ODF2L: variants seen among roughly 807,000 people sequenced by gnomAD.
ODF2L encodes outer dense fiber of sperm tails 2 like.
In ODF2L, 76 loss-of-function variants were observed where a neutral mutation model predicts 86.3. The observed-to-expected ratio is 0.88, with a 90% confidence interval of 0.73 to 1.07. ODF2L has a LOEUF of 1.07. Ranked by LOEUF, ODF2L falls within the 50% of genes least tolerant of loss-of-function variation. The pLI is 0.00. For missense variants in ODF2L, 748 were observed against 717.4 expected, an observed-to-expected ratio of 1.04 and a Z score of -0.49; for synonymous variants, 241 against 231.3, an observed-to-expected ratio of 1.04 and a Z score of -0.38.
chr1:86,387,945 A>G (rs1661061451), intron 1 of ODF2L, among the ~76,000 whole-genome samples: 3 of 152,094 alleles, frequency 2.0e-5, no homozygotes, highest in African/African-American at 4.8e-5. Context: ...AAGAATTTTT[A>G]ACACTTAGAG....
At chr1:86,372,718 G>A (rs1659884202) in intron 8 of ODF2L, 178 bp from the exon 9 acceptor site, 3 of 395,604 alleles carry the variant, frequency 7.6e-6, no homozygotes, top group Middle Eastern at 6.8e-4. Context: ...GCAAAAATAT[G>A]GAACCAGCCT....
In ODF2L at chr1:86,354,769, C is replaced by T. The variant is rs1472361428; in HGVS notation, c.1604+5G>A. On this transcript the variant is annotated splice_donor_5th_base_variant and intron_variant, in intron 15 of 17. Coordinates refer to ENST00000317336, the Ensembl canonical transcript of ODF2L. ...AGCAGCAATGTTAAGTAATTTAATA[C>T]TTACTGTTGAAGGTTTTCACACTTC... is the stretch of plus-strand genomic sequence containing the variant. 19 of 1,564,308 alleles carry T rather than the reference C, an allele frequency of 1.2e-5. No homozygotes were observed. Among genetic ancestry groups the T allele is most frequent in the South Asian group, 7.9e-5 (7 of 88,930 alleles).
downstream of ODF2L, chr1:86,349,566 A>G (rs1177024491): frequency 6.6e-6 from 1 of 152,230 alleles, no homozygotes; most frequent in African/African-American, 2.4e-5. Flanking sequence ...AGCAATGCCC[A>G]GCTCAGGAAA....
chr1:86,354,630 T>C (rs1658399510), exon 16 of ODF2L: 1 of 1,611,748 alleles, frequency 6.2e-7, no homozygotes, highest in Non-Finnish European at 8.5e-7. Flanking sequence ...CTTAAGACAT[T>C]CTTCTTGGTT....
At chr1:86,394,840 C>CTTTTT (rs33996151) in intron 1 of ODF2L, among the ~76,000 whole-genome samples, 37 of 129,312 alleles carry the variant, frequency 2.9e-4, no homozygotes, top group African/African-American at 5.5e-4. Context: ...TTTCTTTTTC[C>CTTTTT]TTTTTTTTTT....
chr1:86,390,142 G>A (rs1558067324), intron 1 of ODF2L, among the ~76,000 whole-genome samples: 2 of 152,140 alleles, frequency 1.3e-5, no homozygotes, highest in Admixed American at 6.5e-5. Context: ...TTCTTAAAAG[G>A]CCGGGCGTGG....
At chr1:86,371,513 AG>A (rs1659782436) in intron 9 of ODF2L, among the ~76,000 whole-genome samples, 1 of 152,218 alleles carries the variant, frequency 6.6e-6, no homozygotes, top group Non-Finnish European at 1.5e-5. Flanking sequence ...ACAAGGTTAA[AG>A]AAAAGAATTA....
chr1:86,379,051 C>T (rs890810078), intron 7 of ODF2L, among the ~76,000 whole-genome samples: 3 of 152,008 alleles, frequency 2.0e-5, no homozygotes, highest in South Asian at 2.1e-4. Flanking sequence ...CAGCACCTCC[C>T]TACTTGCTCT....
chr1:86,382,967 A>G, exon 6 of ODF2L: 12 of 1,571,788 alleles, frequency 7.6e-6, no homozygotes, highest in Non-Finnish European at 9.6e-6. Flanking sequence ...GTTCTTGGAT[A>G]TGGGCCTCCT....
In ODF2L at chr1:86,370,899, T is replaced by C. The variant is rs945136274; in HGVS notation, c.1056+119A>G. The C allele has an allele frequency of 2.2e-5, 12 of 545,574 alleles. No homozygotes were observed. The East Asian group carries it at 2.2e-4, about 10-fold the overall frequency. 33.8% of individuals were successfully genotyped at this position (545,574 alleles called of 1,614,324 possible). A position where few individuals can be genotyped will look rare whatever the true frequency, so the allele number is the denominator to read the frequency against. On this transcript the variant is annotated intron_variant, in intron 10 of 17. Transcript: ENST00000317336. ...TGAAAACATAATATCCTGACAAGCATAGAAGACAGAATTATACAAGAGCAC... is the reference window on the plus strand; with the variant it reads ...TGAAAACATAATATCCTGACAAGCACAGAAGACAGAATTATACAAGAGCAC...
chr1:86,391,718 A>G (rs1424968850), intron 1 of ODF2L, among the ~76,000 whole-genome samples: 1 of 152,232 alleles, frequency 6.6e-6, no homozygotes, highest in Admixed American at 6.5e-5. Flanking sequence ...GAAACTATAT[A>G]AATCTAAGAC....
intron 14 of ODF2L, 94 bp from the exon 14 acceptor site, chr1:86,354,953 C>A: frequency 2.9e-6 from 2 of 689,054 alleles, no homozygotes; most frequent in South Asian, 3.5e-5. Flanking sequence ...CCACAAGCAA[C>A]GAGAAGGTAT....
chr1:86,368,968 C>T (rs368201032), intron 10 of ODF2L, among the ~76,000 whole-genome samples: 11 of 151,906 alleles, frequency 7.2e-5, no homozygotes, highest in South Asian at 4.1e-4. Flanking sequence ...ATAACAACTA[C>T]GAAAAAACAG....
chr1:86,354,410 G>T, intron 16 of ODF2L, 120 bp downstream of exon 15: 1 of 625,948 alleles, frequency 1.6e-6, no homozygotes, highest in Non-Finnish European at 2.8e-6. Flanking sequence ...GAAGAAAAAT[G>T]TAATTGCTCC....
At chr1:86,380,822 T>C (rs1203844242) in intron 7 of ODF2L, among the ~76,000 whole-genome samples, 1 of 151,714 alleles carries the variant, frequency 6.6e-6, no homozygotes, top group Non-Finnish European at 1.5e-5. Flanking sequence ...GAAAGAAAAA[T>C]TGGTGGAAGG....
intron 1 of ODF2L, among the ~76,000 whole-genome samples, chr1:86,392,728 A>G (rs1030682720): frequency 6.6e-6 from 1 of 152,170 alleles, no homozygotes; most frequent in Non-Finnish European, 1.5e-5. Context: ...CTGCTCAGGG[A>G]TGGGTGCACC....
intron 11 of ODF2L, among the ~76,000 whole-genome samples, chr1:86,366,439 CATACACAT>C (rs1659438404): frequency 2.0e-5 from 3 of 149,266 alleles, no homozygotes; most frequent in Admixed American, 6.7e-5. Flanking sequence ...CACACATACA[CATACACAT>C]ACACACACAT....
chr1:86,352,422 A>G (rs1261669632), intron 17 of ODF2L, among the ~76,000 whole-genome samples: 2 of 152,154 alleles, frequency 1.3e-5, no homozygotes, highest in Non-Finnish European at 2.9e-5. Flanking sequence ...TCTCACATGT[A>G]TATCTAACAA....
intron 13 of ODF2L, 198 bp downstream of exon 12, chr1:86,358,588 GA>G (rs1166837567): frequency 3.8e-6 from 1 of 266,580 alleles, no homozygotes. Flanking sequence ...ACAAAAAAGT[GA>G]AAAAACATTC....
Sources: gnomAD v4.1 joint callset for allele counts (sites outside exome capture counted in the v4.1 genomes callset) on GRCh38, gnomAD v4.1.1 for gene constraint, MANE v1.5 for transcripts, NCBI Gene and HGNC (gene_info 2026-07-23, HGNC 2026-07-21) for gene names.